The following PLD5 variants were observed in gnomAD, a reference collection of about 807,000 sequenced individuals.
PLD5 encodes the protein phospholipase D family member 5.
PLD5 carries 36 observed loss-of-function variants against 61.1 expected under a neutral mutation model. The observed-to-expected ratio is 0.59, with a 90% CI of 0.45 to 0.78. PLD5 has a LOEUF of 0.78. Ranked by LOEUF, PLD5 falls within the 30% of genes least tolerant of loss-of-function variation. The probability of loss-of-function intolerance (pLI) is 0.00; values close to 1 mark genes in which losing one functional copy is unlikely to be tolerated. For missense variants in PLD5, 515 were observed against 644.4 expected (o/e 0.80, Z 2.17); for synonymous variants, 243 against 242.8 (o/e 1.00, Z -0.01).
intron 1 of PLD5, among the ~76,000 whole-genome samples, chr1:242,363,754 T>G (rs1368920135): frequency 6.6e-6 from 1 of 152,184 alleles, no homozygotes; most frequent in East Asian, 1.9e-4. Context: ...TTCTATATGT[T>G]TGAGAAGCTA....
At chr1:242,163,480 A>C (rs570294645) in intron 5 of PLD5, among the ~76,000 whole-genome samples, 2 of 152,190 alleles carry the variant, frequency 1.3e-5, no homozygotes, top group African/African-American at 2.4e-5. Context: ...AGAAGAGAGA[A>C]ATCCTGTGTG....
At chr1:242,121,889 A>G (rs1022586157) in intron 6 of PLD5, among the ~76,000 whole-genome samples, 24 of 147,754 alleles carry the variant, frequency 1.6e-4, no homozygotes, top group African/African-American at 6.0e-4. Context: ...GGAACTGAAC[A>G]ATGAGAACAC....
chr1:242,508,373 CA>C (rs879858045), intron 1 of PLD5, among the ~76,000 whole-genome samples: 377 of 142,634 alleles, frequency 2.6e-3, no homozygotes, highest in African/African-American at 6.1e-3. Flanking sequence ...AACTCCGTCT[CA>C]AAAAAAAAAA....
intron 5 of PLD5, among the ~76,000 whole-genome samples, chr1:242,151,177 T>C (rs1338921327): frequency 6.6e-6 from 1 of 151,972 alleles, no homozygotes; most frequent in African/African-American, 2.4e-5. Context: ...TGTTTTCCTA[T>C]AGACATCGGT....
At chr1:242,336,141 G>C (rs1001043574) in intron 2 of PLD5, among the ~76,000 whole-genome samples, 1 of 152,112 alleles carries the variant, frequency 6.6e-6, no homozygotes, top group Admixed American at 6.5e-5. Flanking sequence ...TATCAGACTG[G>C]CAAAGATAAA....
At chr1:242,374,548 C>T (rs1661838422) in intron 1 of PLD5, among the ~76,000 whole-genome samples, 1 of 152,140 alleles carries the variant, frequency 6.6e-6, no homozygotes, top group African/African-American at 2.4e-5. Context: ...GAACCTAAAG[C>T]CAGCCATGAA....
chr1:242,467,811 G>A (rs1442299437), intron 1 of PLD5, among the ~76,000 whole-genome samples: 1 of 152,080 alleles, frequency 6.6e-6, no homozygotes, highest in Non-Finnish European at 1.5e-5. Flanking sequence ...ATCCCAAAAT[G>A]GCCTTTGTTA....
At chr1:242,259,326 C>CA (rs1553337790) in intron 4 of PLD5, among the ~76,000 whole-genome samples, 22 of 150,674 alleles carry the variant, frequency 1.5e-4, no homozygotes, top group African/African-American at 4.9e-4. Context: ...CTCTCTCTCT[C>CA]AAAAAAAATA....
At chr1:242,196,638 T>C (rs1159121332) in intron 5 of PLD5, among the ~76,000 whole-genome samples, 2 of 152,144 alleles carry the variant, frequency 1.3e-5, no homozygotes, top group Non-Finnish European at 2.9e-5. Flanking sequence ...AATATATTGA[T>C]TACAATTAAG....
chr1:242,501,790 T>TTTTATATATA (rs770416059), intron 1 of PLD5, among the ~76,000 whole-genome samples: 2,662 of 147,166 alleles, frequency 0.018, 36 homozygotes, highest in Non-Finnish European at 0.027. Context: ...TAATATTCCA[T>TTTTATATATA]TATATATATA....
intron 5 of PLD5, among the ~76,000 whole-genome samples, chr1:242,161,876 C>G (rs547274001): frequency 6.6e-6 from 1 of 152,068 alleles, no homozygotes; most frequent in Non-Finnish European, 1.5e-5. Context: ...GGAGCTGCTA[C>G]GGTAAAGGGG....
At chr1:242,249,992 A>G (rs1672609904) in intron 4 of PLD5, among the ~76,000 whole-genome samples, 1 of 152,224 alleles carries the variant, frequency 6.6e-6, no homozygotes, top group African/African-American at 2.4e-5. Flanking sequence ...CTAAGCTTTA[A>G]TTATAAAGAA....
Position 242,089,773 on chromosome 1 carries a change from T to C in PLD5, c.*81A>G. The C allele has an allele frequency of 6.5e-7, 1 of 1,543,118 alleles. No individual in the cohort carries two copies. The highest frequency in any genetic ancestry group is 8.9e-7 in the Non-Finnish European group (1 of 1,128,392). On this transcript the variant is annotated 3_prime_UTR_variant, in exon 10 of 10. Coordinates refer to ENST00000536534, the MANE Select transcript of PLD5 (RefSeq NM_001372062.1). ...TGCTTTTTCCCTAAAAAAAGAGACA[T>C]ATTAAAGTGTTTTTTCTCTCCTCAA... is the stretch of plus-strand genomic sequence containing the variant.
chr1:242,179,921 AGTGTGT>A (rs4039792), intron 5 of PLD5, among the ~76,000 whole-genome samples: 109 of 150,278 alleles, frequency 7.3e-4, no homozygotes, highest in African/African-American at 1.9e-3. Context: ...ACCAAAATTG[AGTGTGT>A]GTGTGTGTGT....
chr1:242,452,213 C>T (rs1666806301), intron 1 of PLD5, among the ~76,000 whole-genome samples: 1 of 149,318 alleles, frequency 6.7e-6, no homozygotes, highest in Non-Finnish European at 1.5e-5. Context: ...GCATTTTGGA[C>T]TTTTTTTTTT....
Position 242,113,963 on chromosome 1 carries a change from TCA to T in PLD5, c.995_996del (p.Val332AspfsTer3). 6.2e-7 allele frequency: 1 copy of T among 1,613,986 alleles called. No individual in the cohort carries two copies. Among genetic ancestry groups the T allele is most frequent in the Non-Finnish European group, 8.5e-7 (1 of 1,179,846 alleles). On this transcript the variant is annotated frameshift_variant, in exon 7 of 10. Coordinates refer to ENST00000536534, the MANE Select transcript of PLD5 (RefSeq NM_001372062.1). LOFTEE classifies it high-confidence loss of function. ...TACACATACTGCTTGGCATCATCTA[TCA>T]CACTGTAGATGGCATCTATGTCAAA... ...RSFDIDAIYS[V>X]IDDAKQYVYI...
intron 1 of PLD5, among the ~76,000 whole-genome samples, chr1:242,431,543 A>T (rs1174498394): frequency 6.6e-6 from 1 of 152,212 alleles, no homozygotes; most frequent in Non-Finnish European, 1.5e-5. Flanking sequence ...GTACACCATG[A>T]TCCTGCTATA....
chr1:242,423,254 A>C (rs1311797768), intron 1 of PLD5, among the ~76,000 whole-genome samples: 1 of 152,170 alleles, frequency 6.6e-6, no homozygotes, highest in African/African-American at 2.4e-5. Flanking sequence ...AGGAATGGCT[A>C]TGCACAGCAG....
chr1:242,506,849 G>A (rs949403450), intron 1 of PLD5, among the ~76,000 whole-genome samples: 9 of 152,192 alleles, frequency 5.9e-5, no homozygotes, highest in Non-Finnish European at 1.3e-4. Context: ...GCGGATGTGC[G>A]GGAGCTCAGG....
Sources: allele counts gnomAD v4.1 joint callset (sites outside exome capture counted in the v4.1 genomes callset), GRCh38; gene constraint gnomAD v4.1.1; transcripts MANE v1.5; gene names NCBI Gene and HGNC (gene_info 2026-07-23, HGNC 2026-07-21).